The following UQCC3 variants were observed in gnomAD, a reference collection of about 807,000 sequenced individuals.
UQCC3 encodes ubiquinol-cytochrome c reductase complex assembly factor 3.
In UQCC3, 3 loss-of-function variants were observed where a neutral mutation model predicts 3.4. The observed-to-expected ratio is 0.88, with a 90% CI of 0.40 to 2.26. The LOEUF (loss-of-function observed/expected upper bound fraction) is 2.26, where lower values mean the gene tolerates loss of function less well. UQCC3 is among the 30% of genes most tolerant of loss of function. The probability of loss-of-function intolerance (pLI) is 0.05; values close to 1 mark genes in which losing one functional copy is unlikely to be tolerated. For synonymous variants in UQCC3, 57 were observed against 57.1 expected (o/e 1.00, Z 0.00); for missense variants, 141 against 123.0 (o/e 1.15, Z -0.69).
In UQCC3 at chr11:62,672,232, CG is replaced by C; in HGVS notation, c.*122del. ...ACCGAGATACCATGCCAGGACTCTC[CG>C]GGGTCCTGTGAGCTGCCGTCGGGTG... On this transcript the variant is annotated 3_prime_UTR_variant, in exon 2 of 2. Transcript: ENST00000377953. The C allele has an allele frequency of 9.1e-7, 1 of 1,093,706 alleles. No individual in the cohort carries two copies. The highest frequency in any genetic ancestry group is 1.3e-6 in the Non-Finnish European group (1 of 772,118). 67.8% of individuals were successfully genotyped at this position (1,093,706 alleles called of 1,614,324 possible).
In UQCC3 at chr11:62,671,837, G is replaced by C. The variant is rs368423454; in HGVS notation, c.92G>C (p.Gly31Ala). The change falls in exon 1 of 2, where the codon GGA becomes GCA. Residue 31 changes from glycine (G) to alanine (A), a missense_variant. Coordinates refer to ENST00000377953, the MANE Select transcript of UQCC3 (RefSeq NM_001085372.3). ...GYALLVIVTP[G>A]ERRKQEMLKE... ...GCGCTCCTCGTTATCGTGACCCCGG[G>C]AGAGCGGCGGAAGCAGGAAATGCTA... is the stretch of plus-strand genomic sequence containing the variant. The C allele has an allele frequency of 6.2e-7, 1 of 1,614,150 alleles. No homozygotes were observed. Among genetic ancestry groups the C allele is most frequent in the Non-Finnish European group, 8.5e-7 (1 of 1,180,022 alleles).
At position 62,672,149 on chromosome 11, in the gene UQCC3, C is replaced by T. The variant is rs1202074913; in HGVS notation, c.*35C>T. 3 of 1,541,814 alleles carry T rather than the reference C, an allele frequency of 1.9e-6. No homozygotes were observed. Among genetic ancestry groups the T allele is most frequent in the Non-Finnish European group, 2.6e-6 (3 of 1,145,474 alleles). On this transcript the variant is annotated 3_prime_UTR_variant, in exon 2 of 2. Coordinates refer to ENST00000377953, the MANE Select transcript of UQCC3 (RefSeq NM_001085372.3). ...TGCCTCCGTGGGCGCCGGACCTTGG[C>T]TTGGGCGCAGGAATCCGAGGCAGCC...
At chr11:62,671,932 A>G in intron 1 of UQCC3, 21 bp from the exon 2 acceptor site, 2 of 1,613,372 alleles carry the variant, frequency 1.2e-6, no homozygotes, top group Non-Finnish European at 1.7e-6. Flanking sequence ...AGCTCCTGCG[A>G]ACTCCCCTTC....
At position 62,671,718 on chromosome 11, in the gene UQCC3, G is replaced by T; in HGVS notation, c.-28G>T. On this transcript the variant is annotated 5_prime_UTR_variant, in exon 1 of 2. Coordinates refer to ENST00000377953, the MANE Select transcript of UQCC3 (RefSeq NM_001085372.3). ...GCTTGCGGCTGCGGGGAGCTCCCGT[G>T]GGCGCTCCGCTGGCTGTGCAGGCGG... 4 of 1,610,950 alleles carry T rather than the reference G, an allele frequency of 2.5e-6. No individual in the cohort carries two copies. The highest frequency in any genetic ancestry group is 1.7e-6 in the Non-Finnish European group (2 of 1,178,738).
chr11:62,671,897 G>A, intron 1 of UQCC3, 32 bp downstream of exon 1: 1 of 1,613,514 alleles, frequency 6.2e-7, no homozygotes, highest in Non-Finnish European at 8.5e-7. Flanking sequence ...GAGGAAGGGT[G>A]GGCGGGTGGA....
In UQCC3 at chr11:62,672,206, G is replaced by T; in HGVS notation, c.*92G>T. On this transcript the variant is annotated 3_prime_UTR_variant, in exon 2 of 2. Transcript: ENST00000377953. ...CTTCGTGGGCCCAGCGGAGAGTCCG[G>T]ACCGAGATACCATGCCAGGACTCTC... The T allele has an allele frequency of 7.6e-7, 1 of 1,321,914 alleles. No individual in the cohort carries two copies. Among genetic ancestry groups the T allele is most frequent in the Non-Finnish European group, 1.0e-6 (1 of 967,910 alleles). The allele number at this position is 1,321,914 out of a possible 1,614,324, so 81.9% of individuals were successfully genotyped here.
In UQCC3 at chr11:62,671,870, A is replaced by T. The variant is rs1179062144; in HGVS notation, c.120+5A>T. 1.9e-6 allele frequency: 3 copies of T among 1,613,902 alleles called. No individual in the cohort carries two copies. Among genetic ancestry groups the T allele is most frequent in the Admixed American group, 1.7e-5 (1 of 59,992 alleles). On this transcript the variant is annotated splice_donor_5th_base_variant and intron_variant, in intron 1 of 1. Coordinates refer to ENST00000377953, the MANE Select transcript of UQCC3 (RefSeq NM_001085372.3). The stretch of plus-strand genomic sequence containing the variant: ...CGGAAGCAGGAAATGCTAAAGGTAG[A>T]AGCAACTGGTAGTCCCGAGGAAGGG...
In UQCC3 at chr11:62,673,272, C is replaced by G. The variant is rs553885975; in HGVS notation, c.*1158C>G. ...CCTTGGAGCGAGATTGGAGGGGCAT[C>G]TAGCACTTAACATATGCCACAATGC... On this transcript the variant is annotated 3_prime_UTR_variant, in exon 2 of 2. Transcript: ENST00000377953. 1 of 152,188 alleles carries G rather than the reference C, an allele frequency of 6.6e-6. No individual in the cohort carries two copies. Among genetic ancestry groups the G allele is most frequent in the South Asian group, 2.1e-4 (1 of 4,834 alleles). The allele number at this position is 152,188 out of a possible 1,614,324, so 9.4% of individuals were successfully genotyped here.
chr11:62,672,392 G>A lies in UQCC3; in HGVS notation c.*278G>A. The A allele has an allele frequency of 2.0e-6, 1 of 488,054 alleles. No homozygotes were observed. The highest frequency in any genetic ancestry group is 2.2e-5 in the South Asian group (1 of 45,780). The allele number at this position is 488,054 out of a possible 1,614,324, so 30.2% of individuals were successfully genotyped here. The stretch of plus-strand genomic sequence containing the variant: ...TCCTCCACCCAGAATGAGCCCTGCA[G>A]TCGACACCTACCAATGCTTAGAGAC... On this transcript the variant is annotated 3_prime_UTR_variant, in exon 2 of 2. Transcript: ENST00000377953.
Position 62,671,936 on chromosome 11 carries a change from C to T in UQCC3, c.121-17C>T. 1 of 1,613,500 alleles carries T rather than the reference C, an allele frequency of 6.2e-7. No individual in the cohort carries two copies. The highest frequency in any genetic ancestry group is 8.5e-7 in the Non-Finnish European group (1 of 1,179,594). On this transcript the variant is annotated splice_polypyrimidine_tract_variant and intron_variant, in intron 1 of 1. Transcript: ENST00000377953. ...CCCCGGACTGGAGCTCCTGCGAACT[C>T]CCCTTCCTGCCCTCAGGAGATGCCA... is the stretch of plus-strand genomic sequence containing the variant.
rs1431184829 is a variant in UQCC3, at chr11:62,672,728, C to T, written c.*614C>T. On this transcript the variant is annotated 3_prime_UTR_variant, in exon 2 of 2. Transcript: ENST00000377953. Reference sequence around the variant, plus strand: ...ATGTTGGCTAGACTGGTCTCGAACTCCAGACCCAGGTGATCCGCCCGCCTC... The same window carrying T: ...ATGTTGGCTAGACTGGTCTCGAACTTCAGACCCAGGTGATCCGCCCGCCTC... The T allele has an allele frequency of 6.6e-6, 1 of 152,660 alleles. No homozygotes were observed. Among genetic ancestry groups the T allele is most frequent in the Non-Finnish European group, 1.5e-5 (1 of 68,372 alleles). 9.5% of individuals were successfully genotyped at this position (152,660 alleles called of 1,614,324 possible).
Position 62,671,719 on chromosome 11 carries a change from G to A in UQCC3, c.-27G>A. ...CTTGCGGCTGCGGGGAGCTCCCGTGGGCGCTCCGCTGGCTGTGCAGGCGGC... is the reference window on the plus strand; with the variant it reads ...CTTGCGGCTGCGGGGAGCTCCCGTGAGCGCTCCGCTGGCTGTGCAGGCGGC... On this transcript the variant is annotated 5_prime_UTR_variant, in exon 1 of 2. Transcript: ENST00000377953. The A allele has an allele frequency of 6.2e-7, 1 of 1,611,106 alleles. No homozygotes were observed. Among genetic ancestry groups the A allele is most frequent in the Non-Finnish European group, 8.5e-7 (1 of 1,178,826 alleles).
Position 62,672,441 on chromosome 11 carries a change from G to A in UQCC3, c.*327G>A, listed in dbSNP as rs1944961001. ...ACGCGTGGTCGGTGCTGGGGGCGCG[G>A]CCTGGAGCTGCTGCCTGTCCCACCC... On this transcript the variant is annotated 3_prime_UTR_variant, in exon 2 of 2. Transcript: ENST00000377953. The A allele has an allele frequency of 5.8e-6, 2 of 346,256 alleles. No individual in the cohort carries two copies. The highest frequency in any genetic ancestry group is 1.1e-5 in the Non-Finnish European group (2 of 186,898). The allele number at this position is 346,256 out of a possible 1,614,324, so 21.4% of individuals were successfully genotyped here.
rs778544086 is a variant in UQCC3 at position 62,672,111 on chromosome 11, G to A, written c.279G>A (p.Pro93=). The A allele has an allele frequency of 6.4e-7, 1 of 1,573,712 alleles. No homozygotes were observed. Among genetic ancestry groups the A allele is most frequent in the African/African-American group, 1.3e-5 (1 of 74,366 alleles). Residue 93 remains proline, a synonymous_variant, in exon 2 of 2, where the codon CCG becomes CCA. Coordinates refer to ENST00000377953, the MANE Select transcript of UQCC3 (RefSeq NM_001085372.3). ...AAGGCGGCGCCGGCGGGAGGTCACC[G>A]TGAGACCGGACTTGCCTCCGTGGGC... is the stretch of plus-strand genomic sequence containing the variant. The part of the protein sequence containing the change: ...GGEGGAGGRS[P]
chr11:62,671,728 C>T lies in UQCC3; in HGVS notation c.-18C>T, dbSNP rs542585815. On this transcript the variant is annotated 5_prime_UTR_variant, in exon 1 of 2. Coordinates refer to ENST00000377953, the MANE Select transcript of UQCC3 (RefSeq NM_001085372.3). ...GCGGGGAGCTCCCGTGGGCGCTCCG[C>T]TGGCTGTGCAGGCGGCCATGGATTC... 20 of 1,612,274 alleles carry T rather than the reference C, an allele frequency of 1.2e-5. No homozygotes were observed. The African/African-American group carries it at 2.0e-4, about 16-fold the overall frequency.
Position 62,672,307 on chromosome 11 carries a change from CGGGCCA to C in UQCC3, c.*199_*204del. 1.6e-6 allele frequency: 1 copy of C among 625,870 alleles called. No individual in the cohort carries two copies. The highest frequency in any genetic ancestry group is 2.8e-6 in the Non-Finnish European group (1 of 362,238). 38.8% of individuals were successfully genotyped at this position (625,870 alleles called of 1,614,324 possible). On this transcript the variant is annotated 3_prime_UTR_variant, in exon 2 of 2. Coordinates refer to ENST00000377953, the MANE Select transcript of UQCC3 (RefSeq NM_001085372.3). ...ACTGACTGCTTTAAGGTCCGCAAGG[CGGGCCA>C]GGGCCGAGACGCGAGTCGGATGTGG...
At position 62,671,861 on chromosome 11, in the gene UQCC3, T is replaced by C. The variant is rs1944951888; in HGVS notation, c.116T>C (p.Leu39Pro). ...GGAGAGCGGCGGAAGCAGGAAATGCTAAAGGTAGAAGCAACTGGTAGTCCC... is the reference window on the plus strand; with the variant it reads ...GGAGAGCGGCGGAAGCAGGAAATGCCAAAGGTAGAAGCAACTGGTAGTCCC... ...TPGERRKQEM[L>P]KEMPLQDPRS... is the part of the protein sequence containing the mutation. The change falls in exon 1 of 2, where the codon CTA (leucine) becomes CCA (proline). Residue 39 changes from leucine (L) to proline (P), a missense_variant. Coordinates refer to ENST00000377953, the MANE Select transcript of UQCC3 (RefSeq NM_001085372.3). The C allele has an allele frequency of 6.2e-7, 1 of 1,614,030 alleles. No homozygotes were observed. The highest frequency in any genetic ancestry group is 1.6e-4 in the Middle Eastern group (1 of 6,062).
chr11:62,672,116 A>G lies in UQCC3; in HGVS notation c.*2A>G. 2.5e-6 allele frequency: 4 copies of G among 1,569,754 alleles called. 1 individual carries two copies. Among genetic ancestry groups the G allele is most frequent in the East Asian group, 2.3e-5 (1 of 42,866 alleles). The stretch of plus-strand genomic sequence containing the variant: ...GGCGCCGGCGGGAGGTCACCGTGAG[A>G]CCGGACTTGCCTCCGTGGGCGCCGG... On this transcript the variant is annotated 3_prime_UTR_variant, in exon 2 of 2. Transcript: ENST00000377953.
chr11:62,671,699 G>C lies in UQCC3; in HGVS notation c.-47G>C. ...GTGAGACCGCGCGGCAACAGCTTGC[G>C]GCTGCGGGGAGCTCCCGTGGGCGCT... is the stretch of plus-strand genomic sequence containing the variant. On this transcript the variant is annotated 5_prime_UTR_variant, in exon 1 of 2. Transcript: ENST00000377953. 6.2e-7 allele frequency: 1 copy of C among 1,604,914 alleles called. No homozygotes were observed. Among genetic ancestry groups the C allele is most frequent in the Non-Finnish European group, 8.5e-7 (1 of 1,175,614 alleles).
Sources: gnomAD v4.1 joint callset for allele counts on GRCh38, gnomAD v4.1.1 for gene constraint, MANE v1.5 for transcripts, NCBI Gene and HGNC (gene_info 2026-07-23, HGNC 2026-07-21) for gene names.